NDST4: variants seen among roughly 807,000 people sequenced by gnomAD.
NDST4 encodes N-deacetylase and N-sulfotransferase 4, also known as N-heparan sulfate sulfotransferase 4.
In NDST4, 63 loss-of-function variants were observed where a neutral mutation model predicts 100.8. The ratio of observed to expected loss-of-function variants is 0.62; its 90% CI spans 0.51 to 0.77. The LOEUF (loss-of-function observed/expected upper bound fraction) is 0.77. Ranked by LOEUF, NDST4 falls within the 30% of genes least tolerant of loss-of-function variation. NDST4 has a pLI of 0.00. For missense variants in NDST4, 943 were observed against 1,018.4 expected, an observed-to-expected ratio of 0.93 and a Z score of 1.01; for synonymous variants, 377 against 361.8, an observed-to-expected ratio of 1.04 and a Z score of -0.48.
chr4:114,978,565 T>C (rs1289418793), intron 2 of NDST4, among the ~76,000 whole-genome samples: 1 of 152,054 alleles, frequency 6.6e-6, no homozygotes, highest in Non-Finnish European at 1.5e-5. Flanking sequence ...ACATTTCTCA[T>C]AGAGATTAAA....
intron 6 of NDST4, among the ~76,000 whole-genome samples, chr4:114,896,313 A>G (rs977686044): frequency 2.0e-5 from 3 of 152,050 alleles, no homozygotes; most frequent in Non-Finnish European, 4.4e-5. Flanking sequence ...TGAAGGTATC[A>G]TCACCTGCTG....
At chr4:115,046,902 C>G (rs1024572903) in intron 2 of NDST4, among the ~76,000 whole-genome samples, 1 of 151,944 alleles carries the variant, frequency 6.6e-6, no homozygotes, top group Non-Finnish European at 1.5e-5. Context: ...TTAAAAATGA[C>G]TTCCTTTTCA....
Position 114,852,722 on chromosome 4 carries a change from T to A in NDST4, c.1816+3A>T. On this transcript the variant is annotated splice_donor_region_variant and intron_variant, in intron 8 of 13. Coordinates refer to ENST00000264363, the MANE Select transcript of NDST4 (RefSeq NM_022569.3). The stretch of plus-strand genomic sequence containing the variant: ...TATAAGTAGCACAATTGGCTATTTT[T>A]ACCTGTTTTTTGTGGACCAATTACT... 6.4e-7 allele frequency: 1 copy of A among 1,568,154 alleles called. No individual in the cohort carries two copies. Among genetic ancestry groups the A allele is most frequent in the East Asian group, 2.2e-5 (1 of 44,520 alleles).
intron 6 of NDST4, among the ~76,000 whole-genome samples, chr4:114,932,279 C>T (rs116705412): frequency 0.012 from 1,805 of 151,900 alleles, 38 homozygotes; most frequent in African/African-American, 0.041. Flanking sequence ...GCAGAAAAAG[C>T]ATGTAACAAA....
intron 2 of NDST4, among the ~76,000 whole-genome samples, chr4:115,041,861 C>A (rs1291446548): frequency 1.3e-5 from 2 of 151,854 alleles, no homozygotes; most frequent in African/African-American, 4.8e-5. Context: ...AAAATAAAAC[C>A]GAGGTGGTAC....
intron 1 of NDST4, among the ~76,000 whole-genome samples, chr4:115,090,595 G>A (rs981545110): frequency 3.3e-5 from 5 of 151,720 alleles, no homozygotes; most frequent in African/African-American, 1.2e-4. Flanking sequence ...GGTATATCAC[G>A]TTTATGTGAA....
chr4:114,935,658 CA>C (rs1725613372), intron 5 of NDST4, among the ~76,000 whole-genome samples: 1 of 152,086 alleles, frequency 6.6e-6, no homozygotes, highest in African/African-American at 2.4e-5. Flanking sequence ...GGAAATTCTC[CA>C]AGGTTCCGTC....
At chr4:115,070,913 T>C (rs992946084) in intron 2 of NDST4, among the ~76,000 whole-genome samples, 2 of 152,164 alleles carry the variant, frequency 1.3e-5, no homozygotes, top group East Asian at 3.9e-4. Flanking sequence ...GATGCCAGCG[T>C]GGCCAACATG....
At chr4:115,055,584 T>C (rs1463948336) in intron 2 of NDST4, among the ~76,000 whole-genome samples, 2 of 152,156 alleles carry the variant, frequency 1.3e-5, no homozygotes, top group Non-Finnish European at 2.9e-5. Flanking sequence ...AAGTTGTCAT[T>C]GATCATATCG....
intron 4 of NDST4, among the ~76,000 whole-genome samples, chr4:114,944,409 C>T (rs1054574507): frequency 6.6e-6 from 1 of 152,122 alleles, no homozygotes; most frequent in African/African-American, 2.4e-5. Flanking sequence ...CTTTTTTCGC[C>T]TCTTCCCCTT....
At chr4:115,063,731 C>T (rs1158447103) in intron 2 of NDST4, among the ~76,000 whole-genome samples, 2 of 151,866 alleles carry the variant, frequency 1.3e-5, no homozygotes, top group South Asian at 2.1e-4. Context: ...CAGTGGACTT[C>T]CCCCAGGGCT....
At chr4:114,917,077 C>A (rs762563875) in intron 6 of NDST4, among the ~76,000 whole-genome samples, 1 of 152,076 alleles carries the variant, frequency 6.6e-6, no homozygotes, top group African/African-American at 2.4e-5. Context: ...AAGTCCCTCA[C>A]ATAAAATCAT....
intron 7 of NDST4, among the ~76,000 whole-genome samples, chr4:114,862,665 A>G (rs970337808): frequency 6.6e-6 from 1 of 152,136 alleles, no homozygotes; most frequent in Non-Finnish European, 1.5e-5. Context: ...TGCTTGCAAA[A>G]CTGGTGAAAT....
intron 2 of NDST4, among the ~76,000 whole-genome samples, chr4:115,048,647 G>A (rs1285207440): frequency 6.7e-6 from 1 of 149,886 alleles, no homozygotes; most frequent in Non-Finnish European, 1.5e-5. Context: ...GATGATTAGT[G>A]ATGTTGAGCA....
chr4:115,063,588 C>T (rs516109), intron 2 of NDST4, among the ~76,000 whole-genome samples: 37,920 of 151,282 alleles, frequency 0.25, 6,544 homozygotes, highest in African/African-American at 0.46. Flanking sequence ...CTTTTGCTGG[C>T]TATCATAATA....
intron 3 of NDST4, among the ~76,000 whole-genome samples, chr4:114,971,005 T>C (rs1457372116): frequency 6.6e-6 from 1 of 152,044 alleles, no homozygotes; most frequent in African/African-American, 2.4e-5. Context: ...TAAAGAAATG[T>C]CAAAAGCACA....
intron 2 of NDST4, among the ~76,000 whole-genome samples, chr4:114,985,621 G>T (rs942420648): frequency 1.3e-5 from 2 of 152,094 alleles, no homozygotes; most frequent in African/African-American, 4.8e-5. Flanking sequence ...AACAAAACTG[G>T]TAAGTTTTCT....
At chr4:115,081,624 T>A (rs892007381) in intron 1 of NDST4, among the ~76,000 whole-genome samples, 2 of 152,154 alleles carry the variant, frequency 1.3e-5, no homozygotes, top group East Asian at 1.9e-4. Flanking sequence ...ATTAAAAAAA[T>A]TACTTCAGGA....
chr4:114,990,051 T>C (rs1022636857), intron 2 of NDST4, among the ~76,000 whole-genome samples: 2 of 152,112 alleles, frequency 1.3e-5, no homozygotes, highest in Non-Finnish European at 2.9e-5. Flanking sequence ...GTCTGCGTTT[T>C]CATGAGAGCT....
Sources: allele counts gnomAD v4.1 joint callset (sites outside exome capture counted in the v4.1 genomes callset), GRCh38; gene constraint gnomAD v4.1.1; transcripts MANE v1.5; gene names NCBI Gene and HGNC (gene_info 2026-07-23, HGNC 2026-07-21).